Variants in ATXN2L observed in about 807,000 individuals in gnomAD.
The protein encoded by ATXN2L is ataxin 2 like, also known as ataxin-2-like protein.
A neutral mutation model predicts 120.7 loss-of-function variants in ATXN2L; 24 were observed. That is an observed-to-expected ratio of 0.20 (90% confidence interval 0.14 to 0.28). The LOEUF (loss-of-function observed/expected upper bound fraction) is 0.28. Among genes scored for constraint, ATXN2L ranks in the 10% least tolerant of loss-of-function variants. The pLI, the probability that ATXN2L is intolerant of heterozygous loss-of-function variation, is 1.00. For synonymous variants in ATXN2L, 653 were observed against 568.1 expected (o/e 1.15, Z -2.13); for missense variants, 1,312 against 1,432.3 (o/e 0.92, Z 1.36).
chr16:28,833,954 A>C, intron 15 of ATXN2L, 111 bp from the exon 16 acceptor site: 6 of 1,240,596 alleles, frequency 4.8e-6, no homozygotes, highest in Non-Finnish European at 6.8e-6. Flanking sequence ...AGATAAGTGC[A>C]GAATATGTTT....
intron 13 of ATXN2L, 34 bp downstream of exon 13, chr16:28,832,921 T>C (rs1035002889): frequency 1.7e-5 from 28 of 1,611,450 alleles, no homozygotes; most frequent in Admixed American, 6.7e-5. Context: ...ATTAGCAGGG[T>C]AAAGGGGTTG....
At chr16:28,827,088 T>C (rs2052362155) in intron 6 of ATXN2L, 102 bp downstream of exon 6, 5 of 1,173,450 alleles carry the variant, frequency 4.3e-6, no homozygotes, top group Middle Eastern at 2.1e-4. Context: ...CTGTTGCCCA[T>C]TGATGGTAGT....
rs1351012824 is a variant in ATXN2L at position 28,829,445 on chromosome 16, G to A, written c.786G>A (p.Glu262=). ...DPNEMFKFNE[E]NYGVKTTYDS... ...ATGAAATGTTCAAGTTCAATGAGGA[G>A]AACTACGGTGTGAAGACTACCTATG... The change falls in exon 7 of 22, where the codon GAG becomes GAA. Residue 262 remains glutamate, a synonymous_variant. Transcript: ENST00000336783. 4 of 1,613,494 alleles carry A rather than the reference G, an allele frequency of 2.5e-6. No individual in the cohort carries two copies. The South Asian group carries it at 4.4e-5, about 18-fold the overall frequency.
intron 6 of ATXN2L, among the ~76,000 whole-genome samples, chr16:28,828,818 C>T (rs536043063): frequency 2.0e-5 from 3 of 152,028 alleles, no homozygotes; most frequent in African/African-American, 4.8e-5. Flanking sequence ...TGCAGTGGCT[C>T]GATCTCAGCT....
In ATXN2L at chr16:28,834,573, C is replaced by A; in HGVS notation, c.2313C>A (p.Ala771=). Residue 771 remains alanine (A), a synonymous_variant, in exon 18 of 22, where the codon GCC becomes GCA. Coordinates refer to ENST00000336783, the MANE Select transcript of ATXN2L (RefSeq NM_007245.4). Reference sequence around the variant, plus strand: ...CAGCCCCGCCGATGATGCAGGCCGCCGCGGCTGCTGGCCCGCCTCTGGTGG... The same window carrying A: ...CAGCCCCGCCGATGATGCAGGCCGCAGCGGCTGCTGGCCCGCCTCTGGTGG... The part of the protein sequence containing the change: ...PASAPPMMQA[A]AAAGPPLVAA... 6.2e-7 allele frequency: 1 copy of A among 1,612,802 alleles called. No individual in the cohort carries two copies. The highest frequency in any genetic ancestry group is 2.2e-5 in the East Asian group (1 of 44,886).
At position 28,833,230 on chromosome 16, in the gene ATXN2L, C is replaced by T. The variant is rs747189910; in HGVS notation, c.1831C>T (p.Pro611Ser). The T allele has an allele frequency of 1.9e-6, 3 of 1,614,080 alleles. No homozygotes were observed. The highest frequency in any genetic ancestry group is 2.7e-5 in the African/African-American group (2 of 74,938). ...ESVSDKEDKPPLAPSGGTEGP... is the reference protein window; with the variant it reads ...ESVSDKEDKPSLAPSGGTEGP... ...CGTATCGGATAAGGAGGACAAACCA[C>T]CCCTGGCACCATCAGGAGGCACTGA... The change falls in exon 14 of 22, where the codon CCC becomes TCC. Residue 611 changes from proline to serine, a missense_variant. Physicochemically the swap from Pro to Ser is moderately conservative, Grantham distance 74. Coordinates refer to ENST00000336783, the MANE Select transcript of ATXN2L (RefSeq NM_007245.4).
intron 1 of ATXN2L, chr16:28,824,331 AG>A: frequency 8.3e-7 from 1 of 1,199,854 alleles, no homozygotes; most frequent in Non-Finnish European, 1.1e-6. Context: ...CAGCACACGC[AG>A]GCGCAGTGGG....
At chr16:28,830,307 A>G (rs375371189) in intron 8 of ATXN2L, among the ~76,000 whole-genome samples, 5 of 152,300 alleles carry the variant, frequency 3.3e-5, no homozygotes, top group East Asian at 1.9e-4. Context: ...ATATAACTAC[A>G]TTATTTGTGT....
chr16:28,823,457 G>A lies in ATXN2L; in HGVS notation c.198G>A (p.Gly66=). The A allele has an allele frequency of 7.5e-7, 1 of 1,333,570 alleles. No homozygotes were observed. Among genetic ancestry groups the A allele is most frequent in the Non-Finnish European group, 9.5e-7 (1 of 1,048,086 alleles). The allele number at this position is 1,333,570 out of a possible 1,614,324, so 82.6% of individuals were successfully genotyped here. ...GCCTGGGGCCTGTGGCCGCTGCCGG[G>A]AGCGGGCTCCGCCGGGGAGCCGAAG... is the stretch of plus-strand genomic sequence containing the variant. The part of the protein sequence containing the change: ...SPCLGPVAAA[G]SGLRRGAEGI... The change falls in exon 1 of 22, where the codon GGG becomes GGA. Residue 66 remains glycine, a synonymous_variant. Coordinates refer to ENST00000336783, the MANE Select transcript of ATXN2L (RefSeq NM_007245.4).
In ATXN2L at chr16:28,831,027, A is replaced by G; in HGVS notation, c.1276A>G (p.Ser426Gly). Residue 426 changes from serine to glycine, a missense_variant, in exon 10 of 22, where the codon AGT (serine) becomes GGT (glycine). By Grantham distance (56) the Ser-to-Gly change is moderately conservative. Coordinates refer to ENST00000336783, the MANE Select transcript of ATXN2L (RefSeq NM_007245.4). ...LRGAKTLSSP[S>G]NRPSGETSVP... ...AGGTGCCAAGACTCTGTCTTCGCCC[A>G]GTAATAGGCCTTCTGGAGAAACTTC... 6.2e-7 allele frequency: 1 copy of G among 1,611,334 alleles called. No individual in the cohort carries two copies.
intron 10 of ATXN2L, among the ~76,000 whole-genome samples, chr16:28,831,415 C>G (rs1439517998): frequency 6.6e-6 from 1 of 152,108 alleles, no homozygotes; most frequent in East Asian, 1.9e-4. Flanking sequence ...GCAGCCTCCA[C>G]CCCTCAGATT....
At chr16:28,824,404 C>A in intron 1 of ATXN2L, 1 of 1,275,738 alleles carries the variant, frequency 7.8e-7, no homozygotes, top group Non-Finnish European at 1.0e-6. Context: ...AGGCGCAGAC[C>A]GGGCGAGGCC....
At chr16:28,824,194 G>T (rs2050807252) in intron 1 of ATXN2L, 1 of 1,031,030 alleles carries the variant, frequency 9.7e-7, no homozygotes, top group South Asian at 2.9e-5. Flanking sequence ...GCATTCGCGC[G>T]CCCCGGGAAC....
chr16:28,825,518 C>G lies in ATXN2L; in HGVS notation c.337-106C>G, dbSNP rs536774936. 7 of 1,533,498 alleles carry G rather than the reference C, an allele frequency of 4.6e-6. No homozygotes were observed. The South Asian group carries it at 7.8e-5, about 17-fold the overall frequency. 95.0% of individuals were successfully genotyped at this position (1,533,498 alleles called of 1,614,324 possible). The stretch of plus-strand genomic sequence containing the variant: ...TAATGTACTCAGGAGGGCTGTGGGC[C>G]CGGCACACACAAGGCAGAATGAGTA... On this transcript the variant is annotated intron_variant, in intron 2 of 21. Coordinates refer to ENST00000336783, the MANE Select transcript of ATXN2L (RefSeq NM_007245.4).
intron 6 of ATXN2L, among the ~76,000 whole-genome samples, chr16:28,827,206 G>A (rs754683581): frequency 6.6e-6 from 1 of 152,300 alleles, no homozygotes; most frequent in Non-Finnish European, 1.5e-5. Flanking sequence ...GGCCAAGGCC[G>A]GTGGGTCACT....
In ATXN2L at chr16:28,832,285, G is replaced by C. The variant is rs150073438; in HGVS notation, c.1402G>C (p.Gly468Arg). ...ISASCPEPPI[G>R]SAVPTSSASI... Reference sequence around the variant, plus strand: ...AGCTTCCTGTCCAGAGCCTCCCATCGGCTCGGCAGTGCCAACCTCTTCAGC... The same window carrying C: ...AGCTTCCTGTCCAGAGCCTCCCATCCGCTCGGCAGTGCCAACCTCTTCAGC... The change falls in exon 11 of 22, where the codon GGC becomes CGC. Residue 468 changes from glycine to arginine, a missense_variant. Coordinates refer to ENST00000336783, the MANE Select transcript of ATXN2L (RefSeq NM_007245.4). 1.2e-6 allele frequency: 2 copies of C among 1,614,050 alleles called. No homozygotes were observed. Among genetic ancestry groups the C allele is most frequent in the Middle Eastern group, 1.6e-4 (1 of 6,062 alleles).
rs369236305 is a variant in ATXN2L, at chr16:28,830,045, A to G, written c.1021A>G (p.Ser341Gly). ...QRQGSGRESP[S>G]LASREGKYIP... ...GCAGGGCTCAGGGCGGGAGAGCCCC[A>G]GCTTGGCATCCAGGTGACTGTTGCA... Residue 341 changes from serine to glycine, a missense_variant, in exon 8 of 22, where the codon AGC (serine) becomes GGC (glycine). By Grantham distance (56) the Ser-to-Gly change is moderately conservative (BLOSUM62 0). Transcript: ENST00000336783. The G allele has an allele frequency of 6.2e-7, 1 of 1,610,198 alleles. No individual in the cohort carries two copies. The highest frequency in any genetic ancestry group is 2.2e-5 in the East Asian group (1 of 44,754).
In ATXN2L at chr16:28,823,494, C is replaced by G. The variant is rs1004412705; in HGVS notation, c.235C>G (p.Pro79Ala). The G allele has an allele frequency of 3.6e-6, 5 of 1,382,058 alleles. No homozygotes were observed. The highest frequency in any genetic ancestry group is 1.5e-5 in the African/African-American group (1 of 66,000). The allele number at this position is 1,382,058 out of a possible 1,614,324, so 85.6% of individuals were successfully genotyped here. A position where few individuals can be genotyped will look rare whatever the true frequency, so the allele number is the denominator to read the frequency against. ...CCGGGGAGCCGAAGGCATCTTGGCG[C>G]CGCAGCCGCCGCCGCCGCAGCAACA... ...LRRGAEGILA[P>A]QPPPPQQHQE... is the part of the protein sequence containing the mutation. The change falls in exon 1 of 22, where the codon CCG becomes GCG. Residue 79 changes from proline (P) to alanine (A), a missense_variant. Physicochemically the swap from Pro to Ala is conservative, Grantham distance 27. Transcript: ENST00000336783.
At chr16:28,835,848 C>G in intron 21 of ATXN2L, 85 bp from the exon 22 acceptor site, 1 of 1,589,540 alleles carries the variant, frequency 6.3e-7, no homozygotes, top group South Asian at 1.1e-5. Flanking sequence ...TGGTGCCACC[C>G]TTGCCATAGT....
Sources: gnomAD v4.1 joint callset for allele counts (sites outside exome capture counted in the v4.1 genomes callset) on GRCh38, gnomAD v4.1.1 for gene constraint, MANE v1.5 for transcripts, NCBI Gene and HGNC (gene_info 2026-07-23, HGNC 2026-07-21) for gene names.